SUSD4: variants seen among roughly 807,000 people sequenced by gnomAD.
SUSD4 encodes the protein sushi domain-containing protein 4.
SUSD4 carries 41 observed loss-of-function variants against 50.5 expected under a neutral mutation model. The ratio of observed to expected loss-of-function variants is 0.81; its 90% CI spans 0.63 to 1.05. The LOEUF (loss-of-function observed/expected upper bound fraction) is 1.05, where lower values mean the gene tolerates loss of function less well. SUSD4 is among the 50% of genes least tolerant of loss of function. The pLI is 0.00. For synonymous variants in SUSD4, 257 were observed against 257.3 expected, an observed-to-expected ratio of 1.00 and a Z score of 0.01; for missense variants, 580 against 634.7, an observed-to-expected ratio of 0.91 and a Z score of 0.93.
chr1:223,276,725 G>A (rs1458035740), intron 3 of SUSD4, among the ~76,000 whole-genome samples: 1 of 152,224 alleles, frequency 6.6e-6, no homozygotes, highest in Non-Finnish European at 1.5e-5. Context: ...AATGACAGTG[G>A]TCCTGGGGAC....
Position 223,221,186 on chromosome 1 carries a change from C to T in SUSD4, c.*1006G>A, listed in dbSNP as rs1224349242. Reference sequence around the variant, plus strand: ...AGGACAAATAAAAGGGGGAAAAATCCAACCTCACACTTCTTTTGAAGGTCG... The same window carrying T: ...AGGACAAATAAAAGGGGGAAAAATCTAACCTCACACTTCTTTTGAAGGTCG... On this transcript the variant is annotated 3_prime_UTR_variant, in exon 9 of 9. Coordinates refer to ENST00000366878, the MANE Select transcript of SUSD4 (RefSeq NM_017982.4). 2.5e-6 allele frequency: 1 copy of T among 400,486 alleles called. No homozygotes were observed. The highest frequency in any genetic ancestry group is 3.6e-5 in the East Asian group (1 of 28,090). 24.8% of individuals were successfully genotyped at this position (400,486 alleles called of 1,614,324 possible). A position where few individuals can be genotyped will look rare whatever the true frequency, so the allele number is the denominator to read the frequency against.
At position 223,258,922 on chromosome 1, in the gene SUSD4, C is replaced by T. The variant is rs540849134; in HGVS notation, c.724+5708G>A. Among the ~76,000 whole-genome samples the T allele has an allele frequency of 1.4e-4, 21 of 152,296 alleles. No homozygotes were observed. The South Asian group carries it at 3.5e-3, about 26-fold the overall frequency. ...ACCAGCCTGACCCTCCCAGTTCTTTCGAAACCATGGAGACCTTGCCTTAGA... is the reference window on the plus strand; with the variant it reads ...ACCAGCCTGACCCTCCCAGTTCTTTTGAAACCATGGAGACCTTGCCTTAGA... On this transcript the variant is annotated intron_variant, in intron 5 of 8. Transcript: ENST00000366878.
intron 2 of SUSD4, among the ~76,000 whole-genome samples, chr1:223,310,170 A>C (rs923902887): frequency 1.3e-5 from 2 of 152,176 alleles, no homozygotes; most frequent in Admixed American, 6.5e-5. Context: ...AACCAGACAG[A>C]GAGGTCAGTG....
At chr1:223,319,050 G>A (rs1416414496) in intron 2 of SUSD4, among the ~76,000 whole-genome samples, 1 of 44,978 alleles carries the variant, frequency 2.2e-5, no homozygotes, top group African/African-American at 8.7e-5. Context: ...ACAAGCAATG[G>A]GGAAAGGATT....
chr1:223,363,691 C>T (rs1279422365), intron 1 of SUSD4: 2 of 467,908 alleles, frequency 4.3e-6, no homozygotes, highest in South Asian at 3.6e-5. Context: ...GGATGGAGGA[C>T]AGGAGGGAGG....
chr1:223,239,079 ATG>A (rs2103018252), intron 5 of SUSD4, among the ~76,000 whole-genome samples: 1 of 152,088 alleles, frequency 6.6e-6, no homozygotes, highest in African/African-American at 2.4e-5. Context: ...TTTCTATGTA[ATG>A]CTCTTCTTTA....
chr1:223,325,998 T>C (rs942586133), intron 2 of SUSD4, among the ~76,000 whole-genome samples: 1 of 152,184 alleles, frequency 6.6e-6, no homozygotes, highest in African/African-American at 2.4e-5. Flanking sequence ...AAAATCATTT[T>C]TCACAGAATT....
intron 5 of SUSD4, among the ~76,000 whole-genome samples, chr1:223,253,918 T>C (rs1043222902): frequency 2.6e-5 from 4 of 152,234 alleles, no homozygotes; most frequent in Non-Finnish European, 5.9e-5. Context: ...AGCTCTGCAC[T>C]TCCTTCAGTA....
intron 5 of SUSD4, among the ~76,000 whole-genome samples, chr1:223,235,802 T>C (rs549603202): frequency 2.2e-4 from 34 of 152,352 alleles, no homozygotes; most frequent in African/African-American, 8.2e-4. Flanking sequence ...GTTTTGGCAA[T>C]TATGAATAAA....
intron 5 of SUSD4, among the ~76,000 whole-genome samples, chr1:223,237,827 C>G (rs531770237): frequency 6.6e-6 from 1 of 151,924 alleles, no homozygotes; most frequent in South Asian, 2.1e-4. Context: ...ATGTCTTTGT[C>G]TGGTTTTGGT....
chr1:223,294,520 G>C (rs1664702366), intron 2 of SUSD4, among the ~76,000 whole-genome samples: 1 of 152,160 alleles, frequency 6.6e-6, no homozygotes, highest in Non-Finnish European at 1.5e-5. Context: ...TACCACTGTT[G>C]CTGTGCTGAA....
At chr1:223,322,362 A>G (rs1666622573) in intron 2 of SUSD4, among the ~76,000 whole-genome samples, 1 of 152,242 alleles carries the variant, frequency 6.6e-6, no homozygotes, top group Non-Finnish European at 1.5e-5. Context: ...GAGAACCTTG[A>G]GGCAGACTGT....
At position 223,268,630 on chromosome 1, in the gene SUSD4, G is replaced by A. The variant is rs1239935156; in HGVS notation, c.407C>T (p.Thr136Ile). Residue 136 changes from threonine (T) to isoleucine (I), a missense_variant, in exon 4 of 9, where the codon ACA (threonine) becomes ATA (isoleucine). Thr to Ile is a moderately conservative substitution (Grantham distance 89). Coordinates refer to ENST00000366878, the MANE Select transcript of SUSD4 (RefSeq NM_017982.4). Reference protein sequence around the residue: ...QIEDAEIHNKTYRHGEKLIIT... With the variant: ...QIEDAEIHNKIYRHGEKLIIT... The stretch of plus-strand genomic sequence containing the variant: ...GATTAGCTTCTCTCCATGTCTATAT[G>A]TCTTGTTATGAATCTCAGCATCTTC... 1 of 1,613,824 alleles carries A rather than the reference G, an allele frequency of 6.2e-7. No homozygotes were observed. Among genetic ancestry groups the A allele is most frequent in the Non-Finnish European group, 8.5e-7 (1 of 1,179,980 alleles).
intron 2 of SUSD4, among the ~76,000 whole-genome samples, chr1:223,296,657 C>T (rs1664845324): frequency 6.6e-6 from 1 of 152,148 alleles, no homozygotes; most frequent in South Asian, 2.1e-4. Context: ...TCAACTTGAA[C>T]TGTAGTTCTC....
At chr1:223,301,568 C>T (rs550732934) in intron 2 of SUSD4, among the ~76,000 whole-genome samples, 2 of 152,184 alleles carry the variant, frequency 1.3e-5, no homozygotes, top group Admixed American at 6.5e-5. Flanking sequence ...CTTTTCCCCC[C>T]TTACTTCTAA....
rs1051963027 is a variant in SUSD4, at chr1:223,363,684, T to C, written c.-35-224A>G. 4 of 489,176 alleles carry C rather than the reference T, an allele frequency of 8.2e-6. No individual in the cohort carries two copies. The East Asian group carries it at 1.4e-4, about 17-fold the overall frequency. The allele number at this position is 489,176 out of a possible 1,614,324, so 30.3% of individuals were successfully genotyped here. ...GTGGGATGCTGCGCGTGCTGGGGGA[T>C]GGAGGACAGGAGGGAGGGCAGGGGT... On this transcript the variant is annotated intron_variant, in intron 1 of 8. Coordinates refer to ENST00000366878, the MANE Select transcript of SUSD4 (RefSeq NM_017982.4).
In SUSD4 at chr1:223,227,803, G is replaced by T; in HGVS notation, c.917-65C>A. On this transcript the variant is annotated intron_variant, in intron 6 of 8. Coordinates refer to ENST00000366878, the MANE Select transcript of SUSD4 (RefSeq NM_017982.4). This position sits in a 1 kb window ranked among gnomAD's most constrained non-coding sequence, Gnocchi z 4.5. The stretch of plus-strand genomic sequence containing the variant: ...ACCATGAGAGGTGCCGAGGTTCCCC[G>T]TGGGCTCATTTGCTGGATTCATCTG... 6.6e-7 allele frequency: 1 copy of T among 1,525,788 alleles called. No homozygotes were observed. The highest frequency in any genetic ancestry group is 8.9e-7 in the Non-Finnish European group (1 of 1,127,500). The allele number at this position is 1,525,788 out of a possible 1,614,324, so 94.5% of individuals were successfully genotyped here. A position where few individuals can be genotyped will look rare whatever the true frequency, so the allele number is the denominator to read the frequency against.
chr1:223,346,986 A>T (rs1421523839), intron 2 of SUSD4, among the ~76,000 whole-genome samples: 1 of 150,952 alleles, frequency 6.6e-6, no homozygotes, highest in Non-Finnish European at 1.5e-5. Context: ...TTTCACAAAT[A>T]TTTTTTTTCA....
intron 2 of SUSD4, among the ~76,000 whole-genome samples, chr1:223,329,530 T>A (rs894236248): frequency 6.6e-6 from 1 of 152,182 alleles, no homozygotes; most frequent in Non-Finnish European, 1.5e-5. Flanking sequence ...TTTATAGTCA[T>A]TTGTGTTCTG....
Sources: gnomAD v4.1 joint callset for allele counts (sites outside exome capture counted in the v4.1 genomes callset) on GRCh38, gnomAD v4.1.1 for gene constraint, Gnocchi (gnomAD v3.1) non-coding constraint, MANE v1.5 for transcripts, NCBI Gene and HGNC (gene_info 2026-07-23, HGNC 2026-07-21) for gene names.